Variants in MROH1 observed in about 807,000 individuals in gnomAD.
MROH1 encodes maestro heat-like repeat-containing protein family member 1.
Under a neutral mutation model 116.5 loss-of-function variants are expected in MROH1, and 117 were observed. That is an observed-to-expected ratio of 1.00 (90% CI 0.86 to 1.17). The LOEUF (loss-of-function observed/expected upper bound fraction) is 1.17. Ranked by LOEUF, MROH1 falls within the 50% of genes most tolerant of loss-of-function variation. MROH1 has a pLI of 0.00. For synonymous variants in MROH1, 921 were observed against 583.9 expected (o/e 1.58, Z -8.32); for missense variants, 1,873 against 1,338.5 (o/e 1.40, Z -6.23).
chr8:144,248,734 C>T (rs1051794760), intron 31 of MROH1, 143 bp from the exon 32 acceptor site: 44 of 682,640 alleles, frequency 6.4e-5, no homozygotes, highest in Admixed American at 4.8e-4. Flanking sequence ...TCATTGAAGG[C>T]GCAGGGCCCA....
chr8:144,250,134 AC>A, intron 32 of MROH1, 77 bp from the exon 33 acceptor site: 1 of 717,072 alleles, frequency 1.4e-6, no homozygotes, highest in South Asian at 1.5e-5. Context: ...TCATGGCCCC[AC>A]CCCCTTGGGC....
chr8:144,153,254 T>C (rs1295305272), intron 1 of MROH1, among the ~76,000 whole-genome samples: 2 of 152,098 alleles, frequency 1.3e-5, no homozygotes, highest in Non-Finnish European at 2.9e-5. Context: ...TGAAGTGTAA[T>C]GGCTCGATCT....
rs952456110 is a variant in MROH1, at chr8:144,250,329, G to T, written c.3391G>T (p.Val1131Leu). The T allele has an allele frequency of 6.5e-6, 5 of 768,018 alleles. No individual in the cohort carries two copies. Among genetic ancestry groups the T allele is most frequent in the Non-Finnish European group, 9.6e-6 (4 of 415,316 alleles). The allele number at this position is 768,018 out of a possible 1,614,324, so 47.6% of individuals were successfully genotyped here. A position where few individuals can be genotyped will look rare whatever the true frequency, so the allele number is the denominator to read the frequency against. Reference sequence around the variant, plus strand: ...GGCCACCCAGCACTGCGCAGCCGTGGTGTCCAGCCTCCTGGGCAGCCCCTT... The same window carrying T: ...GGCCACCCAGCACTGCGCAGCCGTGTTGTCCAGCCTCCTGGGCAGCCCCTT... ...LLATQHCAAV[V>L]SSLLGSPLPL... Residue 1131 changes from valine to leucine, a missense_variant, in exon 33 of 44, where the codon GTG (valine) becomes TTG (leucine). Val to Leu is a conservative substitution (Grantham distance 32). Transcript: ENST00000326134.
chr8:144,148,494 TC>T (rs1177202611), intron 1 of MROH1, among the ~76,000 whole-genome samples: 9 of 151,000 alleles, frequency 6.0e-5, no homozygotes, highest in African/African-American at 1.7e-4. Context: ...CCGGCCCTTC[TC>T]CCCCCAGGCG....
intron 12 of MROH1, among the ~76,000 whole-genome samples, chr8:144,213,798 T>G (rs1240220930): frequency 6.6e-6 from 1 of 151,878 alleles, no homozygotes; most frequent in African/African-American, 2.4e-5. Flanking sequence ...AAAAAAAAAA[T>G]TATTTATTGT....
intron 12 of MROH1, among the ~76,000 whole-genome samples, chr8:144,220,260 C>T (rs1008284513): frequency 6.6e-6 from 1 of 152,134 alleles, no homozygotes; most frequent in Non-Finnish European, 1.5e-5. Context: ...GACCCTGCCC[C>T]CAGTGCTTAA....
At position 144,195,224 on chromosome 8, in the gene MROH1, G is replaced by A. The variant is rs557300690; in HGVS notation, c.948+2823G>A. The stretch of plus-strand genomic sequence containing the variant: ...AAAAAAAAAAAAAAAAAAAAAGGCC[G>A]AGTGCCATGGCTCATGCCTGTAATC... On this transcript the variant is annotated intron_variant, in intron 10 of 43. Coordinates refer to ENST00000326134, the MANE Select transcript of MROH1 (RefSeq NM_032450.3). Among the ~76,000 whole-genome samples, 282 of 34,188 alleles carry A rather than the reference G, an allele frequency of 8.2e-3. 4 individuals are homozygous for A. The highest frequency in any genetic ancestry group is 0.029 in the African/African-American group (272 of 9,420). The allele number at this position is 34,188 out of a possible 152,430, so 22.4% of individuals were successfully genotyped here. A position where few individuals can be genotyped will look rare whatever the true frequency, so the allele number is the denominator to read the frequency against.
intron 14 of MROH1, among the ~76,000 whole-genome samples, chr8:144,232,462 CTTTGTTTG>C (rs753104982): frequency 1.1e-4 from 16 of 150,690 alleles, no homozygotes; most frequent in African/African-American, 3.7e-4. Flanking sequence ...AGATTGAGTG[CTTTGTTTG>C]TTTGTTTATT....
At chr8:144,221,328 C>A (rs1294143682) in intron 13 of MROH1, among the ~76,000 whole-genome samples, 4 of 152,172 alleles carry the variant, frequency 2.6e-5, no homozygotes, top group Non-Finnish European at 5.9e-5. Flanking sequence ...AACATTCTTA[C>A]CAGGCCAGAT....
chr8:144,185,464 C>T (rs1273345047), intron 7 of MROH1, among the ~76,000 whole-genome samples: 1 of 150,168 alleles, frequency 6.7e-6, no homozygotes, highest in African/African-American at 2.5e-5. Flanking sequence ...GAGAAACAAG[C>T]CAAGTGGTAA....
intron 35 of MROH1, among the ~76,000 whole-genome samples, chr8:144,258,244 G>A (rs1250479358): frequency 6.6e-6 from 1 of 152,296 alleles, no homozygotes; most frequent in East Asian, 1.9e-4. Context: ...CGCCCAGGGC[G>A]CCTGCTCTTC....
At chr8:144,175,518 C>A (rs770092539) in intron 4 of MROH1, 1 of 985,360 alleles carries the variant, frequency 1.0e-6, no homozygotes, top group Admixed American at 6.1e-5. Flanking sequence ...CGTGCTGCCC[C>A]GGCAGTTAAT....
intron 4 of MROH1, chr8:144,175,672 C>T (rs1823707106): frequency 1.8e-6 from 1 of 551,970 alleles, no homozygotes; most frequent in Non-Finnish European, 2.3e-6. Flanking sequence ...GCCTGTAATC[C>T]CAGCACTTTG....
intron 10 of MROH1, 109 bp downstream of exon 10, chr8:144,192,510 G>C: frequency 1.1e-6 from 1 of 903,106 alleles, no homozygotes; most frequent in Non-Finnish European, 1.8e-6. Context: ...TCAGCCACGT[G>C]GGGCTGAGGA....
intron 10 of MROH1, among the ~76,000 whole-genome samples, chr8:144,195,064 G>A (rs186348837): frequency 2.7e-5 from 4 of 150,104 alleles, no homozygotes; most frequent in Admixed American, 6.7e-5. Flanking sequence ...GTGTCATGGC[G>A]CATGCCTGTG....
chr8:144,192,458 T>C, intron 10 of MROH1, 57 bp downstream of exon 10: 1 of 1,473,188 alleles, frequency 6.8e-7, no homozygotes, highest in Non-Finnish European at 9.2e-7. Flanking sequence ...CCGTGGGAAG[T>C]TGCTGGACAA....
intron 39 of MROH1, 48 bp downstream of exon 39, chr8:144,260,422 G>A: frequency 1.4e-6 from 1 of 702,008 alleles, no homozygotes. Context: ...AGCCCTTCCT[G>A]CCTCTTACTC....
intron 12 of MROH1, among the ~76,000 whole-genome samples, chr8:144,202,018 C>CA (rs1360553214): frequency 1.1e-4 from 16 of 147,204 alleles, no homozygotes; most frequent in African/African-American, 4.0e-4. Context: ...ACTCCGTCTC[C>CA]AAAAAAAAAA....
intron 12 of MROH1, among the ~76,000 whole-genome samples, chr8:144,211,508 G>A (rs551484358): frequency 6.6e-5 from 10 of 151,950 alleles, no homozygotes; most frequent in Admixed American, 2.6e-4. Context: ...GGTGGATCAC[G>A]AGGTCAGGAG....
Sources: gnomAD v4.1 joint callset for allele counts (sites outside exome capture counted in the v4.1 genomes callset) on GRCh38, gnomAD v4.1.1 for gene constraint, MANE v1.5 for transcripts, NCBI Gene and HGNC (gene_info 2026-07-23, HGNC 2026-07-21) for gene names.